DGKI: variants seen among roughly 807,000 people sequenced by gnomAD.
The protein encoded by DGKI is DAG kinase iota.
A neutral mutation model predicts 147.5 loss-of-function variants in DGKI; 55 were observed. The observed-to-expected ratio is 0.37, with a 90% confidence interval of 0.30 to 0.47. DGKI has a LOEUF of 0.47. Ranked by LOEUF, DGKI falls within the 20% of genes least tolerant of loss-of-function variation. The pLI is 1.00. For synonymous variants in DGKI, 469 were observed against 477.1 expected, an observed-to-expected ratio of 0.98 and a Z score of 0.22; for missense variants, 1,007 against 1,323.8, an observed-to-expected ratio of 0.76 and a Z score of 3.71.
At position 137,578,294 on chromosome 7, in the gene DGKI, A is replaced by G. The variant is rs1348334550; in HGVS notation, c.1674T>C (p.Phe558=). The stretch of plus-strand genomic sequence containing the variant: ...CCCCTGCATAGAACATTTTATTTCG[A>G]AAACGACTGTTGAATTTCTCTGGAT... ...EANPEKFNSR[F]RNKMFYAGAA... The change falls in exon 16 of 33, where the codon TTT becomes TTC. Residue 558 remains phenylalanine (F), a synonymous_variant. Coordinates refer to ENST00000614521, the MANE Select transcript of DGKI (RefSeq NM_001321708.2). 2 of 1,613,396 alleles carry G rather than the reference A, an allele frequency of 1.2e-6. No individual in the cohort carries two copies. The highest frequency in any genetic ancestry group is 2.2e-5 in the South Asian group (2 of 91,038).
At chr7:137,505,245 A>C (rs544840844) in intron 21 of DGKI, among the ~76,000 whole-genome samples, 1 of 152,290 alleles carries the variant, frequency 6.6e-6, no homozygotes, top group East Asian at 1.9e-4. Flanking sequence ...GACAGAAGGA[A>C]GCTGGTTGTC....
chr7:137,495,164 C>T lies in DGKI; in HGVS notation c.2249-7475G>A, dbSNP rs143236079. Among the ~76,000 whole-genome samples the T allele has an allele frequency of 5.9e-5, 9 of 152,058 alleles. 1 individual carries two copies. The East Asian group carries it at 1.4e-3, about 23-fold the overall frequency. ...ACACCCTTAAAGACTACTATGAATA[C>T]CTCTCTGCACACAAGCTAGAAAAAC... On this transcript the variant is annotated intron_variant, in intron 21 of 32. Transcript: ENST00000614521.
At chr7:137,775,446 C>T (rs1796337261) in intron 1 of DGKI, among the ~76,000 whole-genome samples, 1 of 152,194 alleles carries the variant, frequency 6.6e-6, no homozygotes. Context: ...GGGTATGTGG[C>T]TATGCAACTT....
chr7:137,677,226 A>G (rs915946029), intron 3 of DGKI, among the ~76,000 whole-genome samples: 2 of 152,262 alleles, frequency 1.3e-5, no homozygotes, highest in African/African-American at 2.4e-5. Context: ...AAATTAGAAG[A>G]GAAGCAAATG....
chr7:137,397,316 C>A (rs1811589042), intron 31 of DGKI, 61 bp downstream of exon 31: 3 of 1,491,590 alleles, frequency 2.0e-6, no homozygotes, highest in Admixed American at 3.7e-5. Flanking sequence ...AGATTACATT[C>A]TTCTCCCAGA....
chr7:137,552,296 G>T, intron 20 of DGKI, 73 bp downstream of exon 20: 1 of 1,538,564 alleles, frequency 6.5e-7, no homozygotes. Flanking sequence ...GAGGTCCCCA[G>T]ACCATGCACA....
intron 18 of DGKI, among the ~76,000 whole-genome samples, chr7:137,572,443 C>A (rs1294649128): frequency 1.3e-5 from 2 of 152,116 alleles, no homozygotes; most frequent in Non-Finnish European, 2.9e-5. Flanking sequence ...TGTTTCAATT[C>A]TCTCATTCTT....
At chr7:137,740,631 C>T (rs571215777) in intron 1 of DGKI, among the ~76,000 whole-genome samples, 12 of 152,296 alleles carry the variant, frequency 7.9e-5, no homozygotes, top group South Asian at 2.1e-4. Context: ...CCGATATCCC[C>T]GCACAAAAAC....
At chr7:137,545,836 T>C (rs1451278262) in intron 20 of DGKI, 1 of 671,752 alleles carries the variant, frequency 1.5e-6, no homozygotes, top group African/African-American at 1.8e-5. Context: ...GGGACACAGG[T>C]AGTCCAACCC....
intron 5 of DGKI, among the ~76,000 whole-genome samples, chr7:137,648,061 C>T (rs1407008008): frequency 6.6e-6 from 1 of 152,104 alleles, no homozygotes. Flanking sequence ...CGCTATTCAA[C>T]ATGACACACC....
chr7:137,638,481 TATATATACACAC>T (rs1821433929), intron 6 of DGKI, among the ~76,000 whole-genome samples: 1 of 124,472 alleles, frequency 8.0e-6, no homozygotes, highest in Non-Finnish European at 1.6e-5. Flanking sequence ...TATGTGTGTA[TATATATACACAC>T]ATATATATGT....
intron 20 of DGKI, among the ~76,000 whole-genome samples, chr7:137,530,425 T>C (rs2128956559): frequency 1.3e-5 from 2 of 152,280 alleles, no homozygotes; most frequent in African/African-American, 4.8e-5. Context: ...AATATCATCT[T>C]GCACCTAGGC....
chr7:137,415,571 G>C (rs936761105), intron 28 of DGKI, among the ~76,000 whole-genome samples: 17 of 152,138 alleles, frequency 1.1e-4, no homozygotes, highest in African/African-American at 4.1e-4. Flanking sequence ...TAATACTATA[G>C]GATGTTCTCC....
chr7:137,405,029 T>G (rs967119447), intron 30 of DGKI, among the ~76,000 whole-genome samples: 18 of 152,104 alleles, frequency 1.2e-4, no homozygotes, highest in African/African-American at 4.3e-4. Context: ...GCCCTATTTT[T>G]GGACGCAGGG....
intron 29 of DGKI, among the ~76,000 whole-genome samples, chr7:137,409,913 C>T: frequency 6.6e-6 from 1 of 151,822 alleles, no homozygotes; most frequent in East Asian, 1.9e-4. Flanking sequence ...TCTTTCTCTC[C>T]CTCTCTCTCA....
intron 12 of DGKI, among the ~76,000 whole-genome samples, chr7:137,591,788 G>A (rs1311321429): frequency 6.6e-6 from 1 of 152,148 alleles, no homozygotes; most frequent in East Asian, 1.9e-4. Flanking sequence ...GCTAGATTTT[G>A]CTACCTCTTT....
intron 28 of DGKI, among the ~76,000 whole-genome samples, chr7:137,424,955 G>C (rs1812731277): frequency 1.3e-5 from 2 of 152,222 alleles, no homozygotes; most frequent in Non-Finnish European, 2.9e-5. Flanking sequence ...CCACCTCTGG[G>C]TGCAGGGCAC....
intron 28 of DGKI, among the ~76,000 whole-genome samples, chr7:137,428,558 T>C (rs1040752160): frequency 1.3e-5 from 2 of 152,060 alleles, no homozygotes; most frequent in African/African-American, 4.8e-5. Flanking sequence ...CCAGGGCAAT[T>C]AGGCAGGAGA....
At chr7:137,736,641 G>A (rs115385369) in intron 1 of DGKI, among the ~76,000 whole-genome samples, 279 of 152,164 alleles carry the variant, frequency 1.8e-3, no homozygotes, top group African/African-American at 6.5e-3. Context: ...TGTCCTAAGT[G>A]AAATAACATC....
Sources: allele counts gnomAD v4.1 joint callset (sites outside exome capture counted in the v4.1 genomes callset), GRCh38; gene constraint gnomAD v4.1.1; transcripts MANE v1.5; gene names NCBI Gene and HGNC (gene_info 2026-07-23, HGNC 2026-07-21).